KCNIP1: variants seen among roughly 807,000 people sequenced by gnomAD.
The protein encoded by KCNIP1 is A-type potassium channel modulatory protein KCNIP1.
A neutral mutation model predicts 33.0 loss-of-function variants in KCNIP1; 18 were observed. That is an observed-to-expected ratio of 0.55 (90% CI 0.38 to 0.81). The LOEUF is 0.81. KCNIP1 is among the 30% of genes least tolerant of loss of function. The pLI is 0.00. For synonymous variants in KCNIP1, 93 were observed against 98.3 expected (o/e 0.95, Z 0.32); for missense variants, 238 against 271.6 (o/e 0.88, Z 0.87).
intron 7 of KCNIP1, among the ~76,000 whole-genome samples, chr5:170,735,337 G>C (rs961081981): frequency 6.6e-6 from 1 of 151,872 alleles, no homozygotes; most frequent in Non-Finnish European, 1.5e-5. Flanking sequence ...AAAATATCTC[G>C]AATAAAAATA....
chr5:170,597,784 A>AATAGATATATATATAT (rs1433551163), intron 1 of KCNIP1, among the ~76,000 whole-genome samples: 3 of 134,434 alleles, frequency 2.2e-5, no homozygotes, highest in African/African-American at 9.2e-5. Context: ...GAGAGAGATA[A>AATAGATATATATATAT]ATATATATAT....
intron 1 of KCNIP1, among the ~76,000 whole-genome samples, chr5:170,550,371 C>T (rs1233702816): frequency 2.6e-5 from 4 of 152,192 alleles, no homozygotes; most frequent in African/African-American, 9.7e-5. Context: ...CCTCCCAAAA[C>T]AATCCCTCTA....
chr5:170,714,266 G>A (rs777801152), intron 1 of KCNIP1, among the ~76,000 whole-genome samples: 1 of 152,192 alleles, frequency 6.6e-6, no homozygotes, highest in African/African-American at 2.4e-5. Context: ...CTGGCTACAA[G>A]CGAGTTTGCA....
At chr5:170,714,161 G>A (rs368029401) in intron 1 of KCNIP1, among the ~76,000 whole-genome samples, 8 of 152,294 alleles carry the variant, frequency 5.3e-5, no homozygotes, top group East Asian at 1.9e-4. Flanking sequence ...CCTCACTGGC[G>A]AGAAGACCCA....
At chr5:170,553,317 C>T (rs546585164) in intron 1 of KCNIP1, among the ~76,000 whole-genome samples, 8 of 152,206 alleles carry the variant, frequency 5.3e-5, no homozygotes, top group Non-Finnish European at 8.8e-5. Context: ...TTAAATAACA[C>T]CCTTACTACT....
chr5:170,467,238 G>T (rs971162973), intron 1 of KCNIP1, among the ~76,000 whole-genome samples: 1 of 152,142 alleles, frequency 6.6e-6, no homozygotes, highest in African/African-American at 2.4e-5. Flanking sequence ...TGCAGAGGTC[G>T]ACGTTTTTAG....
At chr5:170,481,720 G>T (rs1331788112) in intron 1 of KCNIP1, among the ~76,000 whole-genome samples, 1 of 152,294 alleles carries the variant, frequency 6.6e-6, no homozygotes, top group East Asian at 1.9e-4. Context: ...TGAGGGGCCT[G>T]CATCTAACCT....
chr5:170,553,647 G>A (rs931338293), intron 1 of KCNIP1, among the ~76,000 whole-genome samples: 4 of 152,338 alleles, frequency 2.6e-5, no homozygotes, highest in Admixed American at 6.5e-5. Context: ...TGGGGTCTGC[G>A]ACGGTAAGAC....
At chr5:170,578,217 G>A (rs1171361940) in intron 1 of KCNIP1, among the ~76,000 whole-genome samples, 1 of 152,238 alleles carries the variant, frequency 6.6e-6, no homozygotes, top group African/African-American at 2.4e-5. Context: ...CTAGTAGACA[G>A]TAGCAGATGC....
chr5:170,606,422 C>T (rs1758921748), intron 1 of KCNIP1, among the ~76,000 whole-genome samples: 1 of 152,126 alleles, frequency 6.6e-6, no homozygotes, highest in South Asian at 2.1e-4. Flanking sequence ...TTTTATGGTC[C>T]TTCCAGTGGG....
At chr5:170,381,504 C>A (rs1581130120) in intron 1 of KCNIP1, among the ~76,000 whole-genome samples, 1 of 152,212 alleles carries the variant, frequency 6.6e-6, no homozygotes, top group Non-Finnish European at 1.5e-5. Context: ...GCCACTTGAA[C>A]CCCTATGATG....
chr5:170,657,480 T>C (rs1248352549), intron 1 of KCNIP1, among the ~76,000 whole-genome samples: 1 of 152,212 alleles, frequency 6.6e-6, no homozygotes, highest in African/African-American at 2.4e-5. Flanking sequence ...AGGTGCTGGC[T>C]GCCTTGATGG....
intron 1 of KCNIP1, among the ~76,000 whole-genome samples, chr5:170,617,275 A>C (rs1255259563): frequency 1.3e-5 from 2 of 152,206 alleles, no homozygotes; most frequent in East Asian, 3.9e-4. Flanking sequence ...GAGAGAAGGC[A>C]TGAAGGCATC....
At chr5:170,417,906 C>T (rs1755373573) in intron 1 of KCNIP1, among the ~76,000 whole-genome samples, 1 of 152,164 alleles carries the variant, frequency 6.6e-6, no homozygotes, top group Non-Finnish European at 1.5e-5. Context: ...CCAGTCTTGC[C>T]CACTAGACGT....
intron 1 of KCNIP1, among the ~76,000 whole-genome samples, chr5:170,634,798 A>G (rs12516265): frequency 1.2e-4 from 18 of 152,116 alleles, no homozygotes; most frequent in Admixed American, 1.2e-3. Context: ...ACATTTTGCA[A>G]TTTGTTTATA....
chr5:170,443,760 A>T (rs926045938), intron 1 of KCNIP1, among the ~76,000 whole-genome samples: 11 of 152,256 alleles, frequency 7.2e-5, no homozygotes, highest in African/African-American at 2.7e-4. Flanking sequence ...TGTTGAGGAC[A>T]TCTCATGATG....
chr5:170,495,284 T>C (rs1323848155), intron 1 of KCNIP1, among the ~76,000 whole-genome samples: 4 of 152,156 alleles, frequency 2.6e-5, no homozygotes, highest in African/African-American at 4.8e-5. Context: ...GCCATTCAGG[T>C]CGCAGCTGGG....
At chr5:170,358,571 C>T (rs1051903690) in intron 1 of KCNIP1, among the ~76,000 whole-genome samples, 3 of 152,178 alleles carry the variant, frequency 2.0e-5, no homozygotes, top group Non-Finnish European at 4.4e-5. Flanking sequence ...GCCAAGGCTC[C>T]CCACTTTTAA....
intron 1 of KCNIP1, chr5:170,639,264 C>A (rs1022081558): frequency 2.0e-5 from 3 of 152,258 alleles, no homozygotes; most frequent in African/African-American, 7.2e-5. Flanking sequence ...TGTTCACCCG[C>A]CTCACCTCAT....
Sources: allele counts gnomAD v4.1 joint callset (sites outside exome capture counted in the v4.1 genomes callset), GRCh38; gene constraint gnomAD v4.1.1; transcripts MANE v1.5; gene names NCBI Gene and HGNC (gene_info 2026-07-23, HGNC 2026-07-21).